The following SMARCA4 variants were observed in gnomAD, a reference collection of about 807,000 sequenced individuals.
SMARCA4 encodes the protein SWI/SNF related BAF chromatin remodeling complex subunit ATPase 4, also known as SWI/SNF-related matrix-associated actin-dependent regulator of chromatin subfamily A member 4.
Under a neutral mutation model 193.9 loss-of-function variants are expected in SMARCA4, and 31 were observed. That is an observed-to-expected ratio of 0.16 (90% confidence interval 0.12 to 0.22). The LOEUF is 0.22. Among genes scored for constraint, SMARCA4 ranks in the 10% least tolerant of loss-of-function variants. SMARCA4 has a pLI of 1.00. For missense variants in SMARCA4, 1,148 were observed against 2,296.0 expected (o/e 0.50, Z 10.22); for synonymous variants, 942 against 933.1 (o/e 1.01, Z -0.17).
intron 1 of SMARCA4, among the ~76,000 whole-genome samples, chr19:10,976,766 A>AAAG (rs2085161232): frequency 2.7e-5 from 4 of 150,090 alleles, no homozygotes; most frequent in Admixed American, 2.7e-4. Context: ...AAAAAAAAAA[A>AAAG]AAATTGGGCC....
rs797045988 is a variant in SMARCA4 at position 10,986,935 on chromosome 19, G to C, written c.791G>C (p.Gly264Ala). Residue 264 changes from glycine to alanine, a missense_variant, in exon 5 of 35, where the codon GGA becomes GCA. Gly to Ala is a moderately conservative substitution (Grantham distance 60, BLOSUM62 0). Transcript: ENST00000344626. This position sits in a 1 kb window ranked among gnomAD's most constrained non-coding sequence, Gnocchi z 6.7. ...GGAGGGCCCAACATGCCTCCCCCAG[G>C]ACCCTCGGGCGTGCCCCCCGGGATG... ...GMGGPNMPPP[G>A]PSGVPPGMPG... is the part of the protein sequence containing the mutation. 3 of 1,612,372 alleles carry C rather than the reference G, an allele frequency of 1.9e-6. No individual in the cohort carries two copies.
chr19:11,056,659 A>G (rs1480269559), intron 30 of SMARCA4, among the ~76,000 whole-genome samples: 1 of 152,156 alleles, frequency 6.6e-6, no homozygotes, highest in Non-Finnish European at 1.5e-5. Context: ...TGTCAAGGCC[A>G]GGGGAGGTGC....
chr19:10,970,089 T>G lies in SMARCA4; in HGVS notation c.-32+8915T>G, dbSNP rs187191062. Among the ~76,000 whole-genome samples, 246 of 152,254 alleles carry G rather than the reference T, an allele frequency of 1.6e-3. 1 individual carries two copies. In the South Asian group the frequency reaches 0.017, roughly 11 times the overall value. On this transcript the variant is annotated intron_variant, in intron 1 of 34. Transcript: ENST00000344626. The stretch of plus-strand genomic sequence containing the variant: ...ATAATGAGCCCCTTTTGATCACAGC[T>G]GAGTTTATGCTTATGAGGTGATTTA...
intron 1 of SMARCA4, chr19:10,983,389 A>G (rs2085724389): frequency 6.6e-6 from 1 of 151,832 alleles, no homozygotes; most frequent in Admixed American, 6.6e-5. Flanking sequence ...ATTTGCCATA[A>G]ATATCTGTTT....
In SMARCA4 at chr19:10,987,316, T is replaced by G. The variant is rs1259646480; in HGVS notation, c.859+313T>G. Among the ~76,000 whole-genome samples, 1 of 152,212 alleles carries G rather than the reference T, an allele frequency of 6.6e-6. No homozygotes were observed. The highest frequency in any genetic ancestry group is 1.5e-5 in the Non-Finnish European group (1 of 68,028). ...CAGTGGGACTCATTACCCATCCTCT[T>G]GGAGCCTGAGGTTTAGCGATGGGCA... On this transcript the variant is annotated intron_variant, in intron 5 of 34. Coordinates refer to ENST00000344626, the MANE Select transcript of SMARCA4 (RefSeq NM_003072.5). The surrounding 1 kb of genome is among the most constrained non-coding windows in gnomAD (Gnocchi z 5.3).
chr19:11,026,740 C>G (rs2090289791), intron 23 of SMARCA4, among the ~76,000 whole-genome samples: 1 of 152,112 alleles, frequency 6.6e-6, no homozygotes, highest in Admixed American at 6.5e-5. Flanking sequence ...CTCAAGTGAT[C>G]CACCCGCCTT....
Position 11,049,523 on chromosome 19 carries a change from A to C in SMARCA4, c.4424+7963A>C, listed in dbSNP as rs771212265. On this transcript the variant is annotated intron_variant, in intron 30 of 34. Transcript: ENST00000344626. ...TTTTTGAGACAGAGTCTTGCTCTGT[A>C]GCCCAGGCTGGAGTGCAGTGGCACA... Among the ~76,000 whole-genome samples, 42 of 140,046 alleles carry C rather than the reference A, an allele frequency of 3.0e-4. 4 individuals carry two copies. In the Middle Eastern group the frequency reaches 0.061, roughly 204 times the overall value. 91.9% of individuals were successfully genotyped at this position (140,046 alleles called of 152,430 possible).
In SMARCA4 at chr19:11,024,430, G is replaced by A. The variant is rs2146475808; in HGVS notation, c.3073G>A (p.Asp1025Asn). ...GVLLTDGSEK[D>N]KKGKGGTKTL... Reference sequence around the variant, plus strand: ...GCTGCTGACTGATGGCTCCGAGAAGGACAAGAAGGTGGGCCCCAGAGTCCC... The same window carrying A: ...GCTGCTGACTGATGGCTCCGAGAAGAACAAGAAGGTGGGCCCCAGAGTCCC... The change falls in exon 21 of 35, where the codon GAC (aspartate) becomes AAC (asparagine). Residue 1025 changes from aspartate (D) to asparagine (N), a missense_variant. Coordinates refer to ENST00000344626, the MANE Select transcript of SMARCA4 (RefSeq NM_003072.5). The A allele has an allele frequency of 6.2e-7, 1 of 1,610,436 alleles. No individual in the cohort carries two copies. The highest frequency in any genetic ancestry group is 8.5e-7 in the Non-Finnish European group (1 of 1,177,668).
At chr19:10,991,023 G>T in intron 7 of SMARCA4, 127 bp from the exon 8 acceptor site, 4 of 1,471,080 alleles carry the variant, frequency 2.7e-6, no homozygotes, top group Non-Finnish European at 3.7e-6. Context: ...TGCACACACG[G>T]ACTGGGTGTG....
At chr19:10,992,938 T>C (rs1397572012) in intron 8 of SMARCA4, among the ~76,000 whole-genome samples, 1 of 151,400 alleles carries the variant, frequency 6.6e-6, no homozygotes, top group African/African-American at 2.4e-5. Flanking sequence ...TCTTGTATAT[T>C]AATACAAGGT....
intron 24 of SMARCA4, among the ~76,000 whole-genome samples, chr19:11,028,821 GA>G (rs2090442975): frequency 6.6e-6 from 1 of 152,130 alleles, no homozygotes. Flanking sequence ...CTGGGCTTAC[GA>G]GAAACACGAG....
Position 10,987,983 on chromosome 19 carries a change from G to A in SMARCA4, c.1118+59G>A, listed in dbSNP as rs558680610. 3.2e-6 allele frequency: 5 copies of A among 1,581,772 alleles called. No homozygotes were observed. The highest frequency in any genetic ancestry group is 2.3e-5 in the East Asian group (1 of 44,340). On this transcript the variant is annotated intron_variant, in intron 6 of 34. Transcript: ENST00000344626. The surrounding 1 kb of genome is among the most constrained non-coding windows in gnomAD (Gnocchi z 5.3). ...CCTGTGTCCCCCATGTCCCCCTGGGGAAGCCACTCAACTTTCTCCCCCACT... is the reference window on the plus strand; with the variant it reads ...CCTGTGTCCCCCATGTCCCCCTGGGAAAGCCACTCAACTTTCTCCCCCACT...
At position 10,991,308 on chromosome 19, in the gene SMARCA4, C is replaced by T. The variant is rs995631496; in HGVS notation, c.1404C>T (p.Arg468=). ...AGAAGATCGAGCAGGAGCGCAAGCG[C>T]CGGCAGAAGCACCAGGTACGCTCCG... ...KQQKIEQERK[R]RQKHQEYLNS... Residue 468 remains arginine (R), a synonymous_variant, in exon 8 of 35, where the codon CGC becomes CGT. Transcript: ENST00000344626. 4 of 1,602,230 alleles carry T rather than the reference C, an allele frequency of 2.5e-6. No individual in the cohort carries two copies. Among genetic ancestry groups the T allele is most frequent in the Non-Finnish European group, 3.4e-6 (4 of 1,174,966 alleles).
Position 11,062,162 on chromosome 19 carries a change from G to T in SMARCA4, c.*346G>T. 1 of 430,870 alleles carries T rather than the reference G, an allele frequency of 2.3e-6. No individual in the cohort carries two copies. Among genetic ancestry groups the T allele is most frequent in the Admixed American group, 3.7e-5 (1 of 27,276 alleles). The allele number at this position is 430,870 out of a possible 1,614,324, so 26.7% of individuals were successfully genotyped here. A position where few individuals can be genotyped will look rare whatever the true frequency, so the allele number is the denominator to read the frequency against. On this transcript the variant is annotated 3_prime_UTR_variant, in exon 35 of 35. Transcript: ENST00000344626. ...TAAGTGTGGATGCATGTGCGTCACC[G>T]TCCACTCCTCCTACTGTATTTTATT... is the stretch of plus-strand genomic sequence containing the variant.
chr19:11,030,720 TG>T lies in SMARCA4; in HGVS notation c.3383-9del, dbSNP rs2146596794. 1 of 1,610,206 alleles carries T rather than the reference TG, an allele frequency of 6.2e-7. No individual in the cohort carries two copies. The highest frequency in any genetic ancestry group is 1.3e-5 in the African/African-American group (1 of 74,988). ...ACCCCGCTGACCCTGTTCTCCTCTG[TG>T]CCCGTCAGGAACCACGAAGGCGGAG... On this transcript the variant is annotated splice_polypyrimidine_tract_variant and intron_variant, in intron 24 of 34. Transcript: ENST00000344626. The surrounding 1 kb of genome is among the most constrained non-coding windows in gnomAD (Gnocchi z 5.5).
At chr19:10,995,291 G>A (rs1214438643) in intron 9 of SMARCA4, 1 of 584,394 alleles carries the variant, frequency 1.7e-6, no homozygotes, top group African/African-American at 1.8e-5. Flanking sequence ...GAGCCAGGTG[G>A]TGTGATCCAG....
At chr19:11,013,476 G>C (rs528070381) in intron 16 of SMARCA4, among the ~76,000 whole-genome samples, 11 of 152,208 alleles carry the variant, frequency 7.2e-5, no homozygotes, top group African/African-American at 2.6e-4. Flanking sequence ...AGGTACAGTC[G>C]CATCCTGAGC....
intron 23 of SMARCA4, 39 bp downstream of exon 23, chr19:11,026,385 CCA>C (rs2090260688): frequency 6.4e-7 from 1 of 1,555,522 alleles, no homozygotes; most frequent in Non-Finnish European, 8.9e-7. Context: ...GGCAGGTGGT[CCA>C]CCCAGAGGTT....
chr19:10,994,738 C>A, intron 8 of SMARCA4, 90 bp from the exon 9 acceptor site: 1 of 1,170,402 alleles, frequency 8.5e-7, no homozygotes, highest in Non-Finnish European at 1.3e-6. Context: ...GGATTACAGG[C>A]CAATATTCTA....
Sources: gnomAD v4.1 joint callset for allele counts (sites outside exome capture counted in the v4.1 genomes callset) on GRCh38, gnomAD v4.1.1 for gene constraint, Gnocchi (gnomAD v3.1) non-coding constraint, MANE v1.5 for transcripts, NCBI Gene and HGNC (gene_info 2026-07-23, HGNC 2026-07-21) for gene names.